The following OLA1 variants were observed in gnomAD, a reference collection of about 807,000 sequenced individuals.
OLA1 encodes the protein obg-like ATPase 1.
A neutral mutation model predicts 48.4 loss-of-function variants in OLA1; 14 were observed. The ratio of observed to expected loss-of-function variants is 0.29; its 90% CI spans 0.19 to 0.45. The LOEUF (loss-of-function observed/expected upper bound fraction) is 0.45. OLA1 is among the 20% of genes least tolerant of loss of function. The pLI is 1.00. For synonymous variants in OLA1, 127 were observed against 150.4 expected (o/e 0.84, Z 1.14); for missense variants, 325 against 467.1 (o/e 0.70, Z 2.80).
chr2:174,170,674 G>C (rs1687278325), intron 4 of OLA1, among the ~76,000 whole-genome samples: 1 of 152,160 alleles, frequency 6.6e-6, no homozygotes, highest in African/African-American at 2.4e-5. Flanking sequence ...GAGACAGAAG[G>C]ACTGCTTGAG....
At chr2:174,241,664 C>T (rs1026092048) in intron 2 of OLA1, among the ~76,000 whole-genome samples, 1 of 152,200 alleles carries the variant, frequency 6.6e-6, no homozygotes, top group Non-Finnish European at 1.5e-5. Flanking sequence ...AAGACAGAGT[C>T]GCACTCTGTG....
intron 4 of OLA1, among the ~76,000 whole-genome samples, chr2:174,145,459 G>A (rs1045716001): frequency 2.6e-5 from 4 of 151,886 alleles, no homozygotes. Flanking sequence ...TAAATTCAGA[G>A]GACAGACTAC....
intron 4 of OLA1, among the ~76,000 whole-genome samples, chr2:174,168,705 G>A (rs925025121): frequency 1.3e-5 from 2 of 151,800 alleles, no homozygotes; most frequent in African/African-American, 4.8e-5. Context: ...GAAGAAAGGA[G>A]GGCAGGGAGG....
intron 2 of OLA1, among the ~76,000 whole-genome samples, chr2:174,244,609 TTTTA>T (rs1233189386): frequency 2.0e-5 from 3 of 152,092 alleles, no homozygotes; most frequent in Non-Finnish European, 4.4e-5. Context: ...TATTCTCATT[TTTTA>T]TTTAATTAAA....
chr2:174,119,956 A>AACACAC (rs10592077), intron 7 of OLA1, among the ~76,000 whole-genome samples: 60 of 149,552 alleles, frequency 4.0e-4, no homozygotes, highest in Non-Finnish European at 5.2e-4. Flanking sequence ...CACACACACA[A>AACACAC]ACACACACAC....
intron 5 of OLA1, among the ~76,000 whole-genome samples, chr2:174,140,052 T>C (rs1686408404): frequency 6.6e-6 from 1 of 152,048 alleles, no homozygotes; most frequent in Non-Finnish European, 1.5e-5. Context: ...CATCCAAATC[T>C]AGAAACTGGA....
chr2:174,117,007 G>A (rs1452177058), intron 7 of OLA1, among the ~76,000 whole-genome samples: 1 of 152,172 alleles, frequency 6.6e-6, no homozygotes, highest in Non-Finnish European at 1.5e-5. Flanking sequence ...TGGAAGCCAA[G>A]GGTGACAATA....
At chr2:174,152,144 C>T (rs1574512300) in intron 4 of OLA1, among the ~76,000 whole-genome samples, 2 of 152,162 alleles carry the variant, frequency 1.3e-5, no homozygotes, top group South Asian at 2.1e-4. Flanking sequence ...CAGTGGCTCA[C>T]GCCTGTAATC....
chr2:174,233,342 TA>T (rs1377830950), intron 2 of OLA1, among the ~76,000 whole-genome samples: 1 of 152,174 alleles, frequency 6.6e-6, no homozygotes, highest in East Asian at 1.9e-4. Flanking sequence ...AACTGCACAT[TA>T]AAAAACGATT....
chr2:174,151,626 C>T (rs1012054757), intron 4 of OLA1, among the ~76,000 whole-genome samples: 1 of 152,096 alleles, frequency 6.6e-6, no homozygotes. Flanking sequence ...TTCAAATTTC[C>T]AATCCATTCT....
chr2:174,186,029 C>T (rs1448985739), intron 4 of OLA1, among the ~76,000 whole-genome samples: 1 of 152,058 alleles, frequency 6.6e-6, no homozygotes, highest in Non-Finnish European at 1.5e-5. Context: ...AGAGACAAGA[C>T]ATCTAGAAAT....
intron 7 of OLA1, among the ~76,000 whole-genome samples, chr2:174,118,350 T>G (rs1685832403): frequency 6.6e-6 from 1 of 152,204 alleles, no homozygotes; most frequent in Admixed American, 6.5e-5. Context: ...TAATCTCTAG[T>G]GCAGATTTTT....
chr2:174,198,608 C>G (rs1283056166), intron 4 of OLA1, among the ~76,000 whole-genome samples: 1 of 152,088 alleles, frequency 6.6e-6, no homozygotes, highest in African/African-American at 2.4e-5. Context: ...TGGCAAAACC[C>G]TGTCTCTACT....
chr2:174,081,835 G>T, intron 8 of OLA1, 89 bp downstream of exon 8: 2 of 1,233,980 alleles, frequency 1.6e-6, no homozygotes, highest in Non-Finnish European at 1.2e-6. Flanking sequence ...TAATTACTCT[G>T]TCATTTATTA....
intron 4 of OLA1, among the ~76,000 whole-genome samples, chr2:174,162,588 T>G (rs1411380586): frequency 6.6e-6 from 1 of 152,238 alleles, no homozygotes. Context: ...TTTGTGTGTA[T>G]TTTCAAACCA....
At chr2:174,157,144 A>G (rs1202886460) in intron 4 of OLA1, among the ~76,000 whole-genome samples, 1 of 152,240 alleles carries the variant, frequency 6.6e-6, no homozygotes, top group Admixed American at 6.5e-5. Flanking sequence ...GTGTATAAAT[A>G]GTTAAAAAGA....
At position 174,082,026 on chromosome 2, in the gene OLA1, G is replaced by T. The variant is rs747997020; in HGVS notation, c.767C>A (p.Pro256Gln). The T allele has an allele frequency of 3.7e-6, 6 of 1,613,378 alleles. No individual in the cohort carries two copies. The Admixed American group carries it at 1.0e-4, about 27-fold the overall frequency. Reference protein sequence around the residue: ...KIKEWVDKYDPGALVIPFSGA... With the variant: ...KIKEWVDKYDQGALVIPFSGA... The stretch of plus-strand genomic sequence containing the variant: ...ACTAAAAGGAATGACCAAAGCACCT[G>T]GGTCATACTTGTCCACCCACTCTTT... Residue 256 changes from proline to glutamine, a missense_variant, in exon 8 of 11, where the codon CCA (proline) becomes CAA (glutamine). Transcript: ENST00000284719.
At chr2:174,220,245 T>C (rs1209021519) in intron 4 of OLA1, among the ~76,000 whole-genome samples, 3 of 152,168 alleles carry the variant, frequency 2.0e-5, no homozygotes, top group Non-Finnish European at 4.4e-5. Flanking sequence ...TCGCTCCTAC[T>C]CCTCATCATT....
At position 174,075,344 on chromosome 2, in the gene OLA1, G is replaced by A. The variant is rs556506955; in HGVS notation, c.*82C>T. 6.5e-5 allele frequency: 46 copies of A among 711,812 alleles called. No homozygotes were observed. The highest frequency in any genetic ancestry group is 2.5e-4 in the East Asian group (9 of 35,956). 44.1% of individuals were successfully genotyped at this position (711,812 alleles called of 1,614,324 possible). A position where few individuals can be genotyped will look rare whatever the true frequency, so the allele number is the denominator to read the frequency against. ...TCCCATCTCCCCAACTTTATTTGTC[G>A]CATTGGTTTTCAGAAATTTTAATTT... On this transcript the variant is annotated 3_prime_UTR_variant, in exon 11 of 11. Transcript: ENST00000284719.
Sources: gnomAD v4.1 joint callset for allele counts (sites outside exome capture counted in the v4.1 genomes callset) on GRCh38, gnomAD v4.1.1 for gene constraint, MANE v1.5 for transcripts, NCBI Gene and HGNC (gene_info 2026-07-23, HGNC 2026-07-21) for gene names.